GSK3A: variants seen among roughly 807,000 people sequenced by gnomAD.
GSK3A encodes glycogen synthase kinase 3 alpha.
In GSK3A, 14 loss-of-function variants were observed where a neutral mutation model predicts 56.6. The observed-to-expected ratio is 0.25, with a 90% confidence interval of 0.16 to 0.39. The LOEUF is 0.39. Ranked by LOEUF, GSK3A falls within the 10% of genes least tolerant of loss-of-function variation. The pLI is 1.00. For synonymous variants in GSK3A, 301 were observed against 285.0 expected (o/e 1.06, Z -0.56); for missense variants, 450 against 656.0 (o/e 0.69, Z 3.43).
Position 42,234,782 on chromosome 19 carries a change from G to A in GSK3A, c.667-104C>T, listed in dbSNP as rs112710309. ...GAGCCCTTCCAGGCCCACTCTCCCT[G>A]CTGCCCCCACAGCTTTGGGGAAACC... On this transcript the variant is annotated intron_variant, in intron 4 of 10. Transcript: ENST00000222330. This position sits in a 1 kb window ranked among gnomAD's most constrained non-coding sequence, Gnocchi z 5.7. 673 of 1,213,674 alleles carry A rather than the reference G, an allele frequency of 5.5e-4. 14 individuals carry two copies. In the African/African-American group the frequency reaches 8.8e-3, roughly 16 times the overall value. The allele number at this position is 1,213,674 out of a possible 1,614,324, so 75.2% of individuals were successfully genotyped here.
chr19:42,239,943 C>T lies in GSK3A; in HGVS notation c.471+12G>A, dbSNP rs376141787. ...TCCCCAAACCTCCCTGTCCCCATCCCGCCCAAGCTACCTTGAACCTCTTGT... is the reference window on the plus strand; with the variant it reads ...TCCCCAAACCTCCCTGTCCCCATCCTGCCCAAGCTACCTTGAACCTCTTGT... On this transcript the variant is annotated intron_variant, in intron 2 of 10. Coordinates refer to ENST00000222330, the MANE Select transcript of GSK3A (RefSeq NM_019884.3). The T allele has an allele frequency of 1.3e-4, 206 of 1,612,352 alleles. No individual in the cohort carries two copies. Among genetic ancestry groups the T allele is most frequent in the Non-Finnish European group, 1.6e-4 (193 of 1,178,588 alleles).
chr19:42,239,290 C>T (rs779910059), intron 2 of GSK3A, among the ~76,000 whole-genome samples: 1 of 152,220 alleles, frequency 6.6e-6, no homozygotes, highest in African/African-American at 2.4e-5. Flanking sequence ...CTGCCAAGAC[C>T]GAGGCCCTGG....
In GSK3A at chr19:42,234,725, A is replaced by G; in HGVS notation, c.667-47T>C. 1 of 1,494,986 alleles carries G rather than the reference A, an allele frequency of 6.7e-7. No homozygotes were observed. Among genetic ancestry groups the G allele is most frequent in the Non-Finnish European group, 9.0e-7 (1 of 1,115,198 alleles). The allele number at this position is 1,494,986 out of a possible 1,614,324, so 92.6% of individuals were successfully genotyped here. On this transcript the variant is annotated intron_variant, in intron 4 of 10. Transcript: ENST00000222330. The surrounding 1 kb of genome is among the most constrained non-coding windows in gnomAD (Gnocchi z 5.7). ...AGAACTTTAGCCCAGCTTTCCCCAT[A>G]CAGCACCACTACCCCACCAGCTTGG...
intron 4 of GSK3A, among the ~76,000 whole-genome samples, chr19:42,235,975 C>T (rs940069454): frequency 6.6e-6 from 1 of 152,164 alleles, no homozygotes; most frequent in Admixed American, 6.5e-5. Context: ...CAGCTGGGCC[C>T]CAAGTGACCT....
intron 10 of GSK3A, 49 bp from the exon 11 acceptor site, chr19:42,230,916 C>A (rs1002586248): frequency 2.4e-6 from 3 of 1,234,278 alleles, no homozygotes; most frequent in African/African-American, 1.5e-5. Flanking sequence ...CTTTCAGACA[C>A]CCCTTCGCCC....
In GSK3A at chr19:42,230,708, G is replaced by T; in HGVS notation, c.*86C>A. On this transcript the variant is annotated 3_prime_UTR_variant, in exon 11 of 11. Transcript: ENST00000222330. ...GCCCTCTAGTCTAGGGGCCCAGCCA[G>T]GGCAGGAGCTTGATGGGCTATGGCC... The T allele has an allele frequency of 9.9e-7, 1 of 1,008,940 alleles. No homozygotes were observed. Among genetic ancestry groups the T allele is most frequent in the Non-Finnish European group, 1.5e-6 (1 of 652,098 alleles). 62.5% of individuals were successfully genotyped at this position (1,008,940 alleles called of 1,614,324 possible). A position where few individuals can be genotyped will look rare whatever the true frequency, so the allele number is the denominator to read the frequency against.
chr19:42,240,250 C>CAAAGAGGTCCCCAA, intron 1 of GSK3A, 108 bp from the exon 2 acceptor site: 7 of 965,748 alleles, frequency 7.2e-6, no homozygotes, highest in Non-Finnish European at 1.2e-5. Flanking sequence ...TCGTTGGGGA[C>CAAAGAGGTCCCCAA]CTCTTTGTCC....
rs1309711304 is a variant in GSK3A, at chr19:42,230,428, G to A, written c.*366C>T. ...AAATTATAACAATCTATTTACACCC[G>A]GGGGCCAGGGAAGGGAAGAGGAGAC... On this transcript the variant is annotated 3_prime_UTR_variant, in exon 11 of 11. Coordinates refer to ENST00000222330, the MANE Select transcript of GSK3A (RefSeq NM_019884.3). The A allele has an allele frequency of 3.6e-6, 1 of 274,238 alleles. No homozygotes were observed. Among genetic ancestry groups the A allele is most frequent in the Non-Finnish European group, 7.0e-6 (1 of 143,656 alleles). 17.0% of individuals were successfully genotyped at this position (274,238 alleles called of 1,614,324 possible). A position where few individuals can be genotyped will look rare whatever the true frequency, so the allele number is the denominator to read the frequency against.
At position 42,234,724 on chromosome 19, in the gene GSK3A, T is replaced by C. The variant is rs1220267135; in HGVS notation, c.667-46A>G. 1.3e-6 allele frequency: 2 copies of C among 1,496,490 alleles called. No individual in the cohort carries two copies. Among genetic ancestry groups the C allele is most frequent in the Non-Finnish European group, 1.8e-6 (2 of 1,115,868 alleles). The allele number at this position is 1,496,490 out of a possible 1,614,324, so 92.7% of individuals were successfully genotyped here. ...CAGAACTTTAGCCCAGCTTTCCCCA[T>C]ACAGCACCACTACCCCACCAGCTTG... is the stretch of plus-strand genomic sequence containing the variant. On this transcript the variant is annotated intron_variant, in intron 4 of 10. Transcript: ENST00000222330. This position sits in a 1 kb window ranked among gnomAD's most constrained non-coding sequence, Gnocchi z 5.7.
rs758971937 is a variant in GSK3A, at chr19:42,242,334, G to A, written c.132C>T (p.Gly44=). The part of the protein sequence containing the change: ...GGPGGSASGP[G]GTGGGKASVG... Reference sequence around the variant, plus strand: ...CAGATGCCTTTCCGCCGCCGGTGCCGCCTGGGCCGGAGGCCGAGCCTCCGG... The same window carrying A: ...CAGATGCCTTTCCGCCGCCGGTGCCACCTGGGCCGGAGGCCGAGCCTCCGG... Residue 44 remains glycine (G), a synonymous_variant, in exon 1 of 11, where the codon GGC becomes GGT. Coordinates refer to ENST00000222330, the MANE Select transcript of GSK3A (RefSeq NM_019884.3). 6 of 1,427,314 alleles carry A rather than the reference G, an allele frequency of 4.2e-6. No individual in the cohort carries two copies. Among genetic ancestry groups the A allele is most frequent in the African/African-American group, 1.5e-5 (1 of 66,798 alleles). The allele number at this position is 1,427,314 out of a possible 1,614,324, so 88.4% of individuals were successfully genotyped here.
rs1338618483 is a variant in GSK3A at position 42,234,625 on chromosome 19, C to A, written c.720G>T (p.Val240=). ...RSLAYIHSQG[V]CHRDIKPQNL... ...TCTGGGGCTTGATGTCGCGGTGACA[C>A]ACGCCCTGGGAGTGGATGTAGGCCA... Residue 240 remains valine (V), a synonymous_variant, in exon 5 of 11, where the codon GTG becomes GTT. Transcript: ENST00000222330. The surrounding 1 kb of genome is among the most constrained non-coding windows in gnomAD (Gnocchi z 5.7). 1.2e-6 allele frequency: 2 copies of A among 1,613,374 alleles called. No individual in the cohort carries two copies. The highest frequency in any genetic ancestry group is 8.5e-7 in the Non-Finnish European group (1 of 1,179,730).
rs775625147 is a variant in GSK3A, at chr19:42,236,864, G to A, written c.549C>T (p.Gly183=). 13 of 1,609,428 alleles carry A rather than the reference G, an allele frequency of 8.1e-6. No homozygotes were observed. The highest frequency in any genetic ancestry group is 5.5e-5 in the South Asian group (5 of 90,996). The change falls in exon 3 of 11, where the codon GGC becomes GGT. Residue 183 remains glycine, a synonymous_variant. Transcript: ENST00000222330. ...CACCACCTCGAGATCTCACCTTCTC[G>A]CCACTGGAGTAGAAAAAGTATCTCA... The part of the protein sequence containing the change: ...VRLRYFFYSS[G]EKKDELYLNL...
intron 1 of GSK3A, chr19:42,240,574 A>G: frequency 7.4e-6 from 2 of 268,890 alleles, no homozygotes; most frequent in Non-Finnish European, 1.4e-5. Flanking sequence ...AGGTACTCCT[A>G]CTTTAGGAAA....
Position 42,242,168 on chromosome 19 carries a change from G to A in GSK3A, c.283+15C>T. The A allele has an allele frequency of 7.3e-7, 1 of 1,366,092 alleles. No homozygotes were observed. Among genetic ancestry groups the A allele is most frequent in the South Asian group, 1.7e-5 (1 of 57,428 alleles). 84.6% of individuals were successfully genotyped at this position (1,366,092 alleles called of 1,614,324 possible). On this transcript the variant is annotated intron_variant, in intron 1 of 10. Coordinates refer to ENST00000222330, the MANE Select transcript of GSK3A (RefSeq NM_019884.3). The stretch of plus-strand genomic sequence containing the variant: ...ACCCTAATCACCACCCTACACGGGC[G>A]CCACTAGTACTCACGGCCCAGCTTC...
At position 42,234,295 on chromosome 19, in the gene GSK3A, G is replaced by A; in HGVS notation, c.904+58C>T. ...CACCAAGCTTGGCATACAGCACACA[G>A]AAAACTCCAAAACTTCCCAGATTGC... On this transcript the variant is annotated intron_variant, in intron 6 of 10. Coordinates refer to ENST00000222330, the MANE Select transcript of GSK3A (RefSeq NM_019884.3). This position sits in a 1 kb window ranked among gnomAD's most constrained non-coding sequence, Gnocchi z 5.7. The A allele has an allele frequency of 7.8e-7, 1 of 1,289,742 alleles. No individual in the cohort carries two copies. The highest frequency in any genetic ancestry group is 1.5e-5 in the African/African-American group (1 of 68,830). 79.9% of individuals were successfully genotyped at this position (1,289,742 alleles called of 1,614,324 possible).
chr19:42,235,462 G>C (rs2075087), intron 4 of GSK3A, among the ~76,000 whole-genome samples: 1 of 151,624 alleles, frequency 6.6e-6, no homozygotes, highest in Non-Finnish European at 1.5e-5. Flanking sequence ...CAGAAGTACC[G>C]TGAGAGCAGG....
Position 42,234,757 on chromosome 19 carries a change from G to A in GSK3A, c.667-79C>T. 4 of 1,414,946 alleles carry A rather than the reference G, an allele frequency of 2.8e-6. No homozygotes were observed. Among genetic ancestry groups the A allele is most frequent in the Non-Finnish European group, 3.7e-6 (4 of 1,067,364 alleles). The allele number at this position is 1,414,946 out of a possible 1,614,324, so 87.6% of individuals were successfully genotyped here. A position where few individuals can be genotyped will look rare whatever the true frequency, so the allele number is the denominator to read the frequency against. ...CACTACCCCACCAGCTTGGCCTGAA[G>A]AGCCCTTCCAGGCCCACTCTCCCTG... On this transcript the variant is annotated intron_variant, in intron 4 of 10. Transcript: ENST00000222330. This position sits in a 1 kb window ranked among gnomAD's most constrained non-coding sequence, Gnocchi z 5.7.
intron 2 of GSK3A, among the ~76,000 whole-genome samples, chr19:42,238,606 C>CAAAA (rs769150560): frequency 1.2e-4 from 4 of 33,144 alleles, no homozygotes; most frequent in Non-Finnish European, 1.7e-4. Context: ...GACTCCGTCT[C>CAAAA]AAAAAAAAAA....
At chr19:42,233,623 A>G (rs866223737) in intron 6 of GSK3A, among the ~76,000 whole-genome samples, 3 of 152,084 alleles carry the variant, frequency 2.0e-5, no homozygotes, top group East Asian at 1.9e-4. Flanking sequence ...AAGGACCCCA[A>G]TGAGCTCCTT....
Sources: allele counts gnomAD v4.1 joint callset (sites outside exome capture counted in the v4.1 genomes callset), GRCh38; gene constraint gnomAD v4.1.1; non-coding constraint Gnocchi (gnomAD v3.1); transcripts MANE v1.5; gene names NCBI Gene and HGNC (gene_info 2026-07-23, HGNC 2026-07-21).